Variants in BBOF1 observed in about 807,000 individuals in gnomAD.
BBOF1 encodes the protein basal body orientation factor 1.
In BBOF1, 62 loss-of-function variants were observed where a neutral mutation model predicts 68.0. The ratio of observed to expected loss-of-function variants is 0.91; its 90% CI spans 0.74 to 1.13. The LOEUF (loss-of-function observed/expected upper bound fraction) is 1.13, where lower values mean the gene tolerates loss of function less well. Ranked by LOEUF, BBOF1 falls within the 50% of genes most tolerant of loss-of-function variation. BBOF1 has a pLI of 0.00. For synonymous variants in BBOF1, 208 were observed against 198.8 expected, an observed-to-expected ratio of 1.05 and a Z score of -0.39; for missense variants, 534 against 600.1, an observed-to-expected ratio of 0.89 and a Z score of 1.15.
chr14:74,072,155 C>A, intron 9 of BBOF1: 2 of 1,613,566 alleles, frequency 1.2e-6, no homozygotes, highest in Non-Finnish European at 1.7e-6. Flanking sequence ...GAGTGACAAA[C>A]ATGCCCTAGG....
rs71460943 is a variant in BBOF1, at chr14:74,030,921, C to CATAT, written c.351+1688_351+1691dup. Among the ~76,000 whole-genome samples the CATAT allele has an allele frequency of 3.2e-3, 465 of 147,408 alleles. 1 individual carries two copies. Among genetic ancestry groups the CATAT allele is most frequent in the Non-Finnish European group, 5.1e-3 (338 of 66,730 alleles). ...AGAAAAGCTAAAAAAAAGTCATAAA[C>CATAT]ATATATATATATATATATAGAGAGA... On this transcript the variant is annotated intron_variant, in intron 3 of 11. Transcript: ENST00000394009.
At chr14:74,035,666 C>G (rs748172989) in intron 4 of BBOF1, among the ~76,000 whole-genome samples, 3 of 138,270 alleles carry the variant, frequency 2.2e-5, no homozygotes, top group Non-Finnish European at 4.6e-5. Flanking sequence ...CTCCTGACCT[C>G]AAGTGATCTG....
At chr14:74,025,580 G>A (rs1047821573) in intron 2 of BBOF1, among the ~76,000 whole-genome samples, 3 of 152,138 alleles carry the variant, frequency 2.0e-5, no homozygotes. Context: ...ATTTAATGCT[G>A]TACTGAATTA....
chr14:74,033,290 G>A (rs1044903998), intron 3 of BBOF1, among the ~76,000 whole-genome samples: 6 of 151,944 alleles, frequency 3.9e-5, no homozygotes, highest in African/African-American at 9.7e-5. Flanking sequence ...AAGGGGGACC[G>A]GGCGCGGTGG....
At chr14:74,032,700 G>A (rs1033395909) in intron 3 of BBOF1, among the ~76,000 whole-genome samples, 1 of 150,660 alleles carries the variant, frequency 6.6e-6, no homozygotes, top group Non-Finnish European at 1.5e-5. Flanking sequence ...CACAATGTTG[G>A]CCAGGCTGGT....
chr14:74,041,111 AG>A (rs2139515870), intron 5 of BBOF1, among the ~76,000 whole-genome samples: 1 of 152,294 alleles, frequency 6.6e-6, no homozygotes, highest in South Asian at 2.1e-4. Flanking sequence ...TCAGGTCAGG[AG>A]TTCGAGACCA....
intron 1 of BBOF1, among the ~76,000 whole-genome samples, chr14:74,022,554 A>AT (rs1375223794): frequency 6.7e-6 from 1 of 148,754 alleles, no homozygotes; most frequent in Non-Finnish European, 1.5e-5. Flanking sequence ...TTCAAAAAGA[A>AT]AAAAAAAAGA....
chr14:74,073,207 G>A (rs1370718691), intron 9 of BBOF1, among the ~76,000 whole-genome samples: 3 of 152,054 alleles, frequency 2.0e-5, no homozygotes, highest in Non-Finnish European at 4.4e-5. Flanking sequence ...GGGCTTAGGT[G>A]ATTCTCCCAC....
chr14:74,062,052 A>T lies in BBOF1; in HGVS notation c.1579-2636A>T, dbSNP rs7140223. On this transcript the variant is annotated intron_variant, in intron 11 of 11. Coordinates refer to ENST00000394009, the MANE Select transcript of BBOF1 (RefSeq NM_025057.3). ...ATGGCGAAACCTCGTCTCTACTGGGAAAAAAAAAAAAAAAAAAAAAAAAAA... is the reference window on the plus strand; with the variant it reads ...ATGGCGAAACCTCGTCTCTACTGGGTAAAAAAAAAAAAAAAAAAAAAAAAA... Among the ~76,000 whole-genome samples, 57 of 64,004 alleles carry T rather than the reference A, an allele frequency of 8.9e-4. No individual in the cohort carries two copies. In the East Asian group the frequency reaches 0.01, roughly 11 times the overall value. The allele number at this position is 64,004 out of a possible 152,430, so 42.0% of individuals were successfully genotyped here.
intron 2 of BBOF1, among the ~76,000 whole-genome samples, chr14:74,026,222 T>A (rs2140959075): frequency 6.6e-6 from 1 of 151,108 alleles, no homozygotes; most frequent in Non-Finnish European, 1.5e-5. Context: ...GCGGGTGGAT[T>A]ACTGAGGTCA....
At chr14:74,047,775 A>G (rs1041833508) in intron 6 of BBOF1, among the ~76,000 whole-genome samples, 155 bp from the exon 7 acceptor site, 3 of 152,102 alleles carry the variant, frequency 2.0e-5, no homozygotes, top group Non-Finnish European at 2.9e-5. Flanking sequence ...CTTAATTACA[A>G]GATTCCCACA....
chr14:74,057,743 C>A, intron 11 of BBOF1: 1 of 1,159,178 alleles, frequency 8.6e-7, no homozygotes. Context: ...TCAAATGAAG[C>A]CACATTAGAA....
chr14:74,053,932 T>TC (rs2060125089), intron 8 of BBOF1, among the ~76,000 whole-genome samples: 1 of 152,062 alleles, frequency 6.6e-6, no homozygotes, highest in Non-Finnish European at 1.5e-5. Context: ...TGGAGTGCAG[T>TC]GGCACAATCT....
intron 2 of BBOF1, among the ~76,000 whole-genome samples, chr14:74,023,938 A>G (rs917808714): frequency 1.3e-5 from 2 of 151,594 alleles, no homozygotes; most frequent in African/African-American, 2.4e-5. Flanking sequence ...AAAAAAAAAA[A>G]AAAAAGAAAA....
rs1225871500 is a variant in BBOF1 at position 74,050,293 on chromosome 14, T to C, written c.1286+98T>C. On this transcript the variant is annotated intron_variant, in intron 8 of 11. Coordinates refer to ENST00000394009, the MANE Select transcript of BBOF1 (RefSeq NM_025057.3). ...AGTTTAGTTTTATAATATTCAAGTA[T>C]TGAATAGATTTCTCAGTAGGTTACT... is the stretch of plus-strand genomic sequence containing the variant. The C allele has an allele frequency of 2.2e-6, 3 of 1,355,096 alleles. No homozygotes were observed. The African/African-American group carries it at 4.4e-5, about 20-fold the overall frequency. 83.9% of individuals were successfully genotyped at this position (1,355,096 alleles called of 1,614,324 possible).
downstream of BBOF1, chr14:74,070,966 CA>C (rs1396702437): frequency 1.6e-5 from 9 of 561,682 alleles, no homozygotes; most frequent in Non-Finnish European, 2.9e-5. Context: ...AGCCCTAATC[CA>C]TATTTCTAGT....
intron 3 of BBOF1, 134 bp downstream of exon 3, chr14:74,029,383 T>C (rs2059510045): frequency 1.8e-6 from 1 of 564,264 alleles, no homozygotes; most frequent in Non-Finnish European, 3.2e-6. Flanking sequence ...CTTGATTGTA[T>C]AGAAATTCAA....
At position 74,023,195 on chromosome 14, in the gene BBOF1, G is replaced by A. The variant is rs1338425487; in HGVS notation, c.285+51G>A. 36 of 1,014,626 alleles carry A rather than the reference G, an allele frequency of 3.5e-5. No individual in the cohort carries two copies. In the Admixed American group the frequency reaches 6.2e-4, roughly 17 times the overall value. The allele number at this position is 1,014,626 out of a possible 1,614,324, so 62.9% of individuals were successfully genotyped here. A position where few individuals can be genotyped will look rare whatever the true frequency, so the allele number is the denominator to read the frequency against. On this transcript the variant is annotated intron_variant, in intron 2 of 11. Transcript: ENST00000394009. ...CCTCATTAACTACCTCTATGGTGATGCTGATGTGGTTATGTATTTCAAAGA... is the reference window on the plus strand; with the variant it reads ...CCTCATTAACTACCTCTATGGTGATACTGATGTGGTTATGTATTTCAAAGA...
chr14:74,024,330 C>T (rs141162537), intron 2 of BBOF1, among the ~76,000 whole-genome samples: 3 of 152,176 alleles, frequency 2.0e-5, no homozygotes, highest in Admixed American at 6.5e-5. Context: ...GCAGTGTGCA[C>T]CTGTAGTCCC....
Sources: gnomAD v4.1 joint callset for allele counts (sites outside exome capture counted in the v4.1 genomes callset) on GRCh38, gnomAD v4.1.1 for gene constraint, MANE v1.5 for transcripts, NCBI Gene and HGNC (gene_info 2026-07-23, HGNC 2026-07-21) for gene names.